The following TBC1D12 variants were observed in gnomAD, a reference collection of about 807,000 sequenced individuals.
The protein encoded by TBC1D12 is TBC1 domain family, member 12.
In TBC1D12, 56 loss-of-function variants were observed where a neutral mutation model predicts 86.7. The observed-to-expected ratio is 0.65, with a 90% CI of 0.52 to 0.81. The LOEUF (loss-of-function observed/expected upper bound fraction) is 0.81, where lower values mean the gene tolerates loss of function less well. Among genes scored for constraint, TBC1D12 ranks in the 30% least tolerant of loss-of-function variants. The pLI is 0.00. For synonymous variants in TBC1D12, 421 were observed against 411.7 expected (o/e 1.02, Z -0.27); for missense variants, 1,023 against 1,038.8 (o/e 0.98, Z 0.21).
chr10:94,464,155 C>T (rs2134126734), intron 2 of TBC1D12, among the ~76,000 whole-genome samples: 1 of 152,160 alleles, frequency 6.6e-6, no homozygotes, highest in East Asian at 1.9e-4. Flanking sequence ...AAGTGGGTTT[C>T]TTATAAATAG....
chr10:94,446,850 G>A lies in TBC1D12; in HGVS notation c.1095+4831G>A, dbSNP rs186275605. Reference sequence around the variant, plus strand: ...CAATCCCAGCACTTTGGGAGGCTGAGGCAGGTGGATCACTTGAGGTCAGGA... The same window carrying A: ...CAATCCCAGCACTTTGGGAGGCTGAAGCAGGTGGATCACTTGAGGTCAGGA... On this transcript the variant is annotated intron_variant, in intron 2 of 12. Coordinates refer to ENST00000225235, the MANE Select transcript of TBC1D12 (RefSeq NM_015188.2). Among the ~76,000 whole-genome samples, 1,195 of 152,254 alleles carry A rather than the reference G, an allele frequency of 7.8e-3. 12 individuals carry two copies. Among genetic ancestry groups the A allele is most frequent in the Non-Finnish European group, 0.01 (693 of 68,002 alleles).
chr10:94,507,456 C>T (rs2056474030), intron 7 of TBC1D12, 109 bp downstream of exon 7: 1 of 992,584 alleles, frequency 1.0e-6, no homozygotes, highest in Non-Finnish European at 1.5e-6. Flanking sequence ...TTAATCTTAA[C>T]CCTTTCAGTA....
At chr10:94,447,813 A>C (rs945617826) in intron 2 of TBC1D12, 4 of 266,834 alleles carry the variant, frequency 1.5e-5, no homozygotes, top group Non-Finnish European at 1.7e-5. Context: ...TAGGAACTCG[A>C]AACTGCAAGT....
chr10:94,517,694 A>G (rs1287394999), intron 9 of TBC1D12, among the ~76,000 whole-genome samples: 2 of 152,172 alleles, frequency 1.3e-5, no homozygotes, highest in Non-Finnish European at 2.9e-5. Context: ...AGTGTAGACT[A>G]TATTGGAATA....
At chr10:94,487,173 CCTTT>C (rs1167108355) in intron 3 of TBC1D12, among the ~76,000 whole-genome samples, 10 of 150,818 alleles carry the variant, frequency 6.6e-5, no homozygotes, top group African/African-American at 2.2e-4. Context: ...TTTTTCTCTA[CCTTT>C]CTTTTCAGTC....
intron 7 of TBC1D12, among the ~76,000 whole-genome samples, chr10:94,507,842 C>T (rs949456245): frequency 7.2e-5 from 11 of 151,930 alleles, no homozygotes; most frequent in Admixed American, 1.3e-4. Flanking sequence ...AAAAATTAGC[C>T]GGGCGTGGTG....
Position 94,534,077 on chromosome 10 carries a change from A to G in TBC1D12, c.*981A>G, listed in dbSNP as rs1421003189. 6.6e-6 allele frequency: 1 copy of G among 152,212 alleles called. No individual in the cohort carries two copies. The highest frequency in any genetic ancestry group is 1.5e-5 in the Non-Finnish European group (1 of 68,038). The allele number at this position is 152,212 out of a possible 1,614,324, so 9.4% of individuals were successfully genotyped here. On this transcript the variant is annotated 3_prime_UTR_variant, in exon 13 of 13. Transcript: ENST00000225235. ...CTAAATCTGTGACTTGTAAAACTCT[A>G]TGCATAATTTTTCCTAATCAGTGGA... is the stretch of plus-strand genomic sequence containing the variant.
chr10:94,416,090 T>C (rs1405282666), intron 1 of TBC1D12, among the ~76,000 whole-genome samples: 1 of 152,096 alleles, frequency 6.6e-6, no homozygotes, highest in Non-Finnish European at 1.5e-5. Context: ...GTCCATTTAA[T>C]AGAAACATAA....
At position 94,403,097 on chromosome 10, in the gene TBC1D12, G is replaced by C. The variant is rs1687745254; in HGVS notation, c.484G>C (p.Glu162Gln). 7.1e-7 allele frequency: 1 copy of C among 1,403,000 alleles called. No individual in the cohort carries two copies. Among genetic ancestry groups the C allele is most frequent in the Non-Finnish European group, 9.2e-7 (1 of 1,083,434 alleles). 86.9% of individuals were successfully genotyped at this position (1,403,000 alleles called of 1,614,324 possible). Residue 162 changes from glutamate (E) to glutamine (Q), a missense_variant, in exon 1 of 13, where the codon GAG (glutamate) becomes CAG (glutamine). Glu to Gln is a conservative substitution (Grantham distance 29). Coordinates refer to ENST00000225235, the MANE Select transcript of TBC1D12 (RefSeq NM_015188.2). ...CGGGCTGGCGCGCGCCGGCGGCCGGGAGTCGCGCCGCCGCCGCCCCTACGG... is the reference window on the plus strand; with the variant it reads ...CGGGCTGGCGCGCGCCGGCGGCCGGCAGTCGCGCCGCCGCCGCCCCTACGG... Reference protein sequence around the residue: ...ARGLARAGGRESRRRRPYGRL... With the variant: ...ARGLARAGGRQSRRRRPYGRL...
chr10:94,527,053 A>T (rs946409867), intron 11 of TBC1D12, among the ~76,000 whole-genome samples: 7 of 148,712 alleles, frequency 4.7e-5, no homozygotes, highest in Admixed American at 4.0e-4. Context: ...GTCTGTTCAG[A>T]TCATTTGCCC....
At chr10:94,442,064 ATT>A in intron 2 of TBC1D12, 45 bp downstream of exon 2, 1 of 1,504,552 alleles carries the variant, frequency 6.6e-7, no homozygotes, top group Non-Finnish European at 8.8e-7. Flanking sequence ...CTTTTCAAGC[ATT>A]CTTCTTCTTC....
chr10:94,459,096 AG>A (rs2055679754), intron 2 of TBC1D12, among the ~76,000 whole-genome samples: 1 of 151,106 alleles, frequency 6.6e-6, no homozygotes, highest in Non-Finnish European at 1.5e-5. Context: ...CATTTTACAG[AG>A]AGCTGATTGG....
intron 3 of TBC1D12, among the ~76,000 whole-genome samples, chr10:94,491,511 A>G (rs950606860): frequency 1.3e-5 from 2 of 152,360 alleles, no homozygotes; most frequent in Middle Eastern, 3.4e-3. Context: ...ACGGTGTAGT[A>G]GTTACCCCTT....
At chr10:94,451,311 A>G (rs746384598) in intron 2 of TBC1D12, among the ~76,000 whole-genome samples, 4 of 152,110 alleles carry the variant, frequency 2.6e-5, no homozygotes, top group South Asian at 4.1e-4. Flanking sequence ...AAATTATTAT[A>G]TGTAAATTAA....
At chr10:94,518,106 A>C (rs1327707681) in intron 9 of TBC1D12, among the ~76,000 whole-genome samples, 1 of 151,928 alleles carries the variant, frequency 6.6e-6, no homozygotes. Context: ...GTGAGCCGAG[A>C]TCCCGCCACT....
rs747830947 is a variant in TBC1D12 at position 94,442,040 on chromosome 10, GTAGTTTACCC to G, written c.1095+25_1095+34del. On this transcript the variant is annotated intron_variant, in intron 2 of 12. Transcript: ENST00000225235. ...AGCAGGTAAGTACTGACATAGCCAT[GTAGTTTACCC>G]TAGCTTTTCAAGCATTCTTCTTCTT... The G allele has an allele frequency of 5.1e-6, 8 of 1,579,148 alleles. No individual in the cohort carries two copies. The East Asian group carries it at 1.9e-4, about 37-fold the overall frequency.
At position 94,402,589 on chromosome 10, in the gene TBC1D12, TG is replaced by T. The variant is rs1234451411; in HGVS notation, c.-21del. 3 of 1,609,474 alleles carry T rather than the reference TG, an allele frequency of 1.9e-6. No homozygotes were observed. Among genetic ancestry groups the T allele is most frequent in the Non-Finnish European group, 2.5e-6 (3 of 1,178,256 alleles). Reference sequence around the variant, plus strand: ...GCGCCTGTAGTCCTTCTTTGCCTCCTGGGGCGGCCGCCACCCACCCCCAGAT... The same window carrying T: ...GCGCCTGTAGTCCTTCTTTGCCTCCTGGGCGGCCGCCACCCACCCCCAGAT... On this transcript the variant is annotated 5_prime_UTR_variant, in exon 1 of 13. Coordinates refer to ENST00000225235, the MANE Select transcript of TBC1D12 (RefSeq NM_015188.2).
chr10:94,525,485 T>G (rs560099728), intron 11 of TBC1D12, among the ~76,000 whole-genome samples: 2 of 151,836 alleles, frequency 1.3e-5, no homozygotes, highest in African/African-American at 4.8e-5. Context: ...GTGCCTGTAG[T>G]CCCAGCCACT....
At chr10:94,442,145 C>T (rs2055392813) in intron 2 of TBC1D12, 126 bp downstream of exon 2, 1 of 1,078,076 alleles carries the variant, frequency 9.3e-7, no homozygotes, top group Non-Finnish European at 1.2e-6. Context: ...TAGATACAGA[C>T]TTTTGGGATT....
Sources: allele counts gnomAD v4.1 joint callset (sites outside exome capture counted in the v4.1 genomes callset), GRCh38; gene constraint gnomAD v4.1.1; transcripts MANE v1.5; gene names NCBI Gene and HGNC (gene_info 2026-07-23, HGNC 2026-07-21).